Variants in PLA2G4E observed in about 807,000 individuals in gnomAD.
PLA2G4E encodes cytosolic phospholipase A2 epsilon.
A neutral mutation model predicts 109.1 loss-of-function variants in PLA2G4E; 84 were observed. The ratio of observed to expected loss-of-function variants is 0.77; its 90% CI spans 0.65 to 0.92. The LOEUF (loss-of-function observed/expected upper bound fraction) is 0.92. Ranked by LOEUF, PLA2G4E falls within the 40% of genes least tolerant of loss-of-function variation. The pLI is 0.00. For synonymous variants in PLA2G4E, 469 were observed against 436.1 expected (o/e 1.08, Z -0.94); for missense variants, 1,057 against 1,076.6 (o/e 0.98, Z 0.25).
rs1457683478 is a variant in PLA2G4E, at chr15:41,987,936, CCCCCA to C, written c.1831+108_1831+112del. On this transcript the variant is annotated intron_variant, in intron 16 of 19. Transcript: ENST00000399518. Reference sequence around the variant, plus strand: ...GCCATGAGGGAAAGCCGGGGGCCGCCCCCCATCACCCAGCCATGAGGGAAAGCCGG... The same window carrying C: ...GCCATGAGGGAAAGCCGGGGGCCGCCTCACCCAGCCATGAGGGAAAGCCGG... 43 of 574,732 alleles carry C rather than the reference CCCCCA, an allele frequency of 7.5e-5. No homozygotes were observed. The African/African-American group carries it at 7.6e-4, about 10-fold the overall frequency. The allele number at this position is 574,732 out of a possible 1,614,324, so 35.6% of individuals were successfully genotyped here.
chr15:42,003,768 T>C (rs1668570), intron 5 of PLA2G4E, among the ~76,000 whole-genome samples: 97,291 of 152,170 alleles, frequency 0.64, 33,136 homozygotes, highest in Non-Finnish European at 0.78. Context: ...ATCACAAGCA[T>C]AGGGGGCTCA....
exon 10 of PLA2G4E, chr15:41,999,541 G>T: frequency 6.2e-7 from 1 of 1,610,768 alleles, no homozygotes; most frequent in African/African-American, 1.3e-5. Flanking sequence ...TAGACTTCAT[G>T]TGTAATTCAT....
At chr15:42,041,132 A>G (rs530213765) in intron 1 of PLA2G4E, among the ~76,000 whole-genome samples, 16 of 152,322 alleles carry the variant, frequency 1.1e-4, no homozygotes, top group Admixed American at 7.2e-4. Context: ...TCTTATGAAT[A>G]TGCAAACCTT....
intron 12 of PLA2G4E, among the ~76,000 whole-genome samples, chr15:41,993,541 C>T (rs1333247624): frequency 6.6e-6 from 1 of 152,124 alleles, no homozygotes; most frequent in Non-Finnish European, 1.5e-5. Context: ...ATTTCCCTTT[C>T]TCTTCTTAAC....
At chr15:42,024,761 C>T (rs1307973945) in intron 1 of PLA2G4E, among the ~76,000 whole-genome samples, 2 of 152,294 alleles carry the variant, frequency 1.3e-5, no homozygotes, top group African/African-American at 2.4e-5. Context: ...TGCTGAAAAG[C>T]ACCTAACGCT....
intron 1 of PLA2G4E, among the ~76,000 whole-genome samples, chr15:42,017,042 T>A (rs2068602122): frequency 6.6e-6 from 1 of 152,204 alleles, no homozygotes; most frequent in African/African-American, 2.4e-5. Context: ...CAAGCAGTTT[T>A]GGCAAAACCT....
At chr15:41,994,451 C>T (rs751819074) in intron 12 of PLA2G4E, among the ~76,000 whole-genome samples, 14 of 152,248 alleles carry the variant, frequency 9.2e-5, no homozygotes, top group African/African-American at 3.1e-4. Flanking sequence ...AGACAGGACA[C>T]GGCCCTGCTT....
rs1186877767 is a variant in PLA2G4E at position 41,988,165 on chromosome 15, C to T, written c.1724-9G>A. On this transcript the variant is annotated splice_polypyrimidine_tract_variant and intron_variant, in intron 15 of 19. Transcript: ENST00000399518. The stretch of plus-strand genomic sequence containing the variant: ...GATGCTGCTCCACAGGCCTGGGAGC[C>T]AGGGCCAGCGTGAGCAGCTCCACCC... 20 of 1,579,776 alleles carry T rather than the reference C, an allele frequency of 1.3e-5. No individual in the cohort carries two copies. The highest frequency in any genetic ancestry group is 1.7e-5 in the Non-Finnish European group (20 of 1,161,212).
chr15:41,994,235 G>A (rs2068300106), intron 12 of PLA2G4E, among the ~76,000 whole-genome samples: 1 of 152,256 alleles, frequency 6.6e-6, no homozygotes. Context: ...ATAGGAAGCA[G>A]TGACTCCAGT....
chr15:42,021,953 A>C (rs2068652839), intron 1 of PLA2G4E, among the ~76,000 whole-genome samples: 1 of 152,190 alleles, frequency 6.6e-6, no homozygotes, highest in Non-Finnish European at 1.5e-5. Flanking sequence ...GGAACTCTTC[A>C]CGTGCCTGGC....
intron 7 of PLA2G4E, 51 bp downstream of exon 7, chr15:42,001,106 G>A: frequency 1.3e-6 from 2 of 1,542,848 alleles, no homozygotes; most frequent in Non-Finnish European, 1.8e-6. Flanking sequence ...ATGGGATTTG[G>A]AAGCAGCTCC....
At chr15:42,030,374 G>T (rs575392218) in intron 1 of PLA2G4E, among the ~76,000 whole-genome samples, 1 of 152,252 alleles carries the variant, frequency 6.6e-6, no homozygotes, top group African/African-American at 2.4e-5. Context: ...CCTGCAAAAC[G>T]CCCCAGATCA....
chr15:42,024,250 TG>T (rs1033275927), intron 1 of PLA2G4E, among the ~76,000 whole-genome samples: 13 of 152,302 alleles, frequency 8.5e-5, no homozygotes, highest in African/African-American at 3.1e-4. Flanking sequence ...GCAGCAATCT[TG>T]GTACACAACT....
chr15:42,017,652 G>A (rs2141061601), intron 1 of PLA2G4E, among the ~76,000 whole-genome samples: 1 of 152,264 alleles, frequency 6.6e-6, no homozygotes, highest in South Asian at 2.1e-4. Context: ...GAAGACAAAT[G>A]TTGCTTGCCT....
intron 1 of PLA2G4E, among the ~76,000 whole-genome samples, chr15:42,038,303 T>C (rs976252279): frequency 4.6e-5 from 7 of 152,232 alleles, no homozygotes; most frequent in African/African-American, 1.7e-4. Flanking sequence ...ATGATTCAAG[T>C]GCTTTACATT....
chr15:41,987,266 G>A, exon 17 of PLA2G4E: 3 of 1,613,988 alleles, frequency 1.9e-6, no homozygotes, highest in Non-Finnish European at 2.5e-6. Flanking sequence ...AGGACCGATG[G>A]GTAAGGATTT....
At chr15:41,991,850 C>T (rs2665200) in intron 13 of PLA2G4E, among the ~76,000 whole-genome samples, 143,631 of 152,232 alleles carry the variant, frequency 0.94, 67,929 homozygotes, top group African/African-American at 0.98. Context: ...AAGCTCTCCT[C>T]TGGGGCCAGG....
chr15:42,046,345 G>C (rs1389203574), intron 1 of PLA2G4E, among the ~76,000 whole-genome samples: 1 of 152,224 alleles, frequency 6.6e-6, no homozygotes. Flanking sequence ...ATAAGGCCCG[G>C]ACTTCACCTC....
chr15:42,039,586 T>C (rs1889278825), intron 1 of PLA2G4E, among the ~76,000 whole-genome samples: 1 of 152,112 alleles, frequency 6.6e-6, no homozygotes. Flanking sequence ...TATATACACA[T>C]ATACTTGGAT....
Sources: allele counts gnomAD v4.1 joint callset (sites outside exome capture counted in the v4.1 genomes callset), GRCh38; gene constraint gnomAD v4.1.1; transcripts MANE v1.5; gene names NCBI Gene and HGNC (gene_info 2026-07-23, HGNC 2026-07-21).